ZNF335: variants seen among roughly 807,000 people sequenced by gnomAD.
ZNF335 encodes the protein zinc finger protein 335.
ZNF335 carries 84 observed loss-of-function variants against 145.6 expected under a neutral mutation model. The ratio of observed to expected loss-of-function variants is 0.58; its 90% CI spans 0.48 to 0.69. The LOEUF is 0.69. Among genes scored for constraint, ZNF335 ranks in the 30% least tolerant of loss-of-function variants. The pLI is 0.00. For missense variants in ZNF335, 1,865 were observed against 1,809.7 expected, an observed-to-expected ratio of 1.03 and a Z score of -0.55; for synonymous variants, 761 against 717.0, an observed-to-expected ratio of 1.06 and a Z score of -0.98.
chr20:45,968,165 C>A, intron 4 of ZNF335, 120 bp downstream of exon 4: 1 of 1,505,682 alleles, frequency 6.6e-7, no homozygotes, highest in East Asian at 2.3e-5. Flanking sequence ...AGTAGGAAAA[C>A]TGAGACCCAG....
chr20:45,960,525 A>G lies in ZNF335; in HGVS notation c.1783T>C (p.Cys595Arg). The G allele has an allele frequency of 1.2e-6, 2 of 1,613,980 alleles. No individual in the cohort carries two copies. Among genetic ancestry groups the G allele is most frequent in the Non-Finnish European group, 1.7e-6 (2 of 1,179,956 alleles). Reference protein sequence around the residue: ...STEKPHMCDKCGKSFKKRYTF... With the variant: ...STEKPHMCDKRGKSFKKRYTF... ...TAGCGCTTCTTAAAGGACTTTCCAC[A>G]CTGTGAGGGGTGGAGAGCAGTGAGA... Residue 595 changes from cysteine (C) to arginine (R), a missense_variant and splice_region_variant, in exon 13 of 28, where the codon TGT becomes CGT. Coordinates refer to ENST00000322927, the MANE Select transcript of ZNF335 (RefSeq NM_022095.4).
intron 19 of ZNF335, 29 bp downstream of exon 19, chr20:45,952,569 G>A (rs750699778): frequency 3.7e-6 from 6 of 1,612,484 alleles, no homozygotes; most frequent in Admixed American, 3.3e-5. Context: ...GAGGGAGGTG[G>A]GGGAGTGGTT....
chr20:45,967,725 C>T lies in ZNF335; in HGVS notation c.814+9G>A, dbSNP rs368787311. On this transcript the variant is annotated intron_variant, in intron 5 of 27. Coordinates refer to ENST00000322927, the MANE Select transcript of ZNF335 (RefSeq NM_022095.4). ...TGCAGTCCAAGCAGGTAGGCTGCTA[C>T]TGACGCACCTGGACGGAAGTGGCGT... The T allele has an allele frequency of 5.0e-6, 8 of 1,608,496 alleles. No individual in the cohort carries two copies. The African/African-American group carries it at 8.0e-5, about 16-fold the overall frequency.
intron 2 of ZNF335, 136 bp from the exon 3 acceptor site, chr20:45,969,827 C>G (rs2084027049): frequency 1.7e-6 from 2 of 1,209,364 alleles, no homozygotes; most frequent in African/African-American, 3.0e-5. Flanking sequence ...CCCTCAGCCC[C>G]ACGGAGGACC....
intron 20 of ZNF335, among the ~76,000 whole-genome samples, chr20:45,951,651 G>C (rs34240177): frequency 0.046 from 7,055 of 152,302 alleles, 329 homozygotes; most frequent in African/African-American, 0.12. Flanking sequence ...TGCAGCTGCT[G>C]TGACAGGAAG....
Position 45,971,294 on chromosome 20 carries a change from G to A in ZNF335, c.117C>T (p.Ser39=). 6.3e-6 allele frequency: 10 copies of A among 1,589,184 alleles called. No individual in the cohort carries two copies. The highest frequency in any genetic ancestry group is 7.7e-6 in the Non-Finnish European group (9 of 1,174,384). Residue 39 remains serine, a synonymous_variant, in exon 2 of 28, where the codon AGC becomes AGT. Coordinates refer to ENST00000322927, the MANE Select transcript of ZNF335 (RefSeq NM_022095.4). ...VGTSEAVSAD[S]SDAAAAPGQA... is the part of the protein sequence containing the mutation. Reference sequence around the variant, plus strand: ...GCCCCGGGGCGGCCGCGGCGTCGCTGCTGTCGGCGGACACGGCTTCTGAGG... The same window carrying A: ...GCCCCGGGGCGGCCGCGGCGTCGCTACTGTCGGCGGACACGGCTTCTGAGG...
In ZNF335 at chr20:45,948,675, C is replaced by G. The variant is rs3363; in HGVS notation, c.*278G>C. ...AAGTAAGCTGTTCAGGACTGGACTC[C>G]GGTCCCTTTATTGAGACTGACAGGC... On this transcript the variant is annotated 3_prime_UTR_variant, in exon 28 of 28. Transcript: ENST00000322927. The G allele has an allele frequency of 1.3e-3, 597 of 449,044 alleles. 2 individuals carry two copies. The highest frequency in any genetic ancestry group is 0.011 in the African/African-American group (532 of 50,100). 27.8% of individuals were successfully genotyped at this position (449,044 alleles called of 1,614,324 possible).
chr20:45,968,014 T>C lies in ZNF335; in HGVS notation c.534A>G (p.Thr178=), dbSNP rs1298997124. The change falls in exon 5 of 28, where the codon ACA becomes ACG. Residue 178 remains threonine (T), a synonymous_variant. Transcript: ENST00000322927. ...CCAAGGTGGAACTGGACATTGGTGA[T>C]GTCATGGGGGCTCCTGGGGATGGGT... ...LQGPDDGAPM[T]SPMSSSTLAH... The C allele has an allele frequency of 6.2e-7, 1 of 1,612,374 alleles. No individual in the cohort carries two copies. The highest frequency in any genetic ancestry group is 8.5e-7 in the Non-Finnish European group (1 of 1,180,030).
In ZNF335 at chr20:45,971,777, C is replaced by T. The variant is rs137921371; in HGVS notation, c.-50-317G>A. 7,309 of 985,362 alleles carry T rather than the reference C, an allele frequency of 7.4e-3. 27 individuals are homozygous for T. Among genetic ancestry groups the T allele is most frequent in the Non-Finnish European group, 8.3e-3 (6,851 of 829,830 alleles). The allele number at this position is 985,362 out of a possible 1,614,324, so 61.0% of individuals were successfully genotyped here. On this transcript the variant is annotated intron_variant, in intron 1 of 27. Transcript: ENST00000322927. ...GCCCAGTGGTTCAGCCCTTCGGCCCCCGCGTCCCCCCGGGTTGCAGGGCCG... is the reference window on the plus strand; with the variant it reads ...GCCCAGTGGTTCAGCCCTTCGGCCCTCGCGTCCCCCCGGGTTGCAGGGCCG...
chr20:45,958,585 C>G (rs1452137354), intron 15 of ZNF335, among the ~76,000 whole-genome samples: 1 of 152,200 alleles, frequency 6.6e-6, no homozygotes, highest in African/African-American at 2.4e-5. Flanking sequence ...TGAGGCCATC[C>G]TCCTCTTCCC....
chr20:45,948,714 C>G lies in ZNF335; in HGVS notation c.*239G>C. On this transcript the variant is annotated 3_prime_UTR_variant, in exon 28 of 28. Transcript: ENST00000322927. ...AGACTGACAGGCCAGTGGGTCCACC[C>G]AAACAAAAATAAATTTCTCTCCCAA... is the stretch of plus-strand genomic sequence containing the variant. 5.5e-6 allele frequency: 3 copies of G among 550,110 alleles called. No individual in the cohort carries two copies. The highest frequency in any genetic ancestry group is 9.7e-6 in the Non-Finnish European group (3 of 309,204). 34.1% of individuals were successfully genotyped at this position (550,110 alleles called of 1,614,324 possible).
intron 2 of ZNF335, 200 bp from the exon 3 acceptor site, chr20:45,969,891 C>G (rs1186049555): frequency 1.2e-5 from 7 of 594,742 alleles, no homozygotes; most frequent in African/African-American, 1.8e-5. Context: ...CACAGGGTCC[C>G]TGGATCTCAT....
Position 45,959,812 on chromosome 20 carries a change from C to T in ZNF335, c.2021-379G>A, listed in dbSNP as rs1427153570. Among the ~76,000 whole-genome samples the T allele has an allele frequency of 2.0e-5, 3 of 152,214 alleles. No homozygotes were observed. The East Asian group carries it at 5.8e-4, about 29-fold the overall frequency. Reference sequence around the variant, plus strand: ...CAGCTTCTGTGGGCCAAGCCAATGGCGTTGCTTCTGCAGCTTCATCTGCCA... The same window carrying T: ...CAGCTTCTGTGGGCCAAGCCAATGGTGTTGCTTCTGCAGCTTCATCTGCCA... On this transcript the variant is annotated intron_variant, in intron 14 of 27. Transcript: ENST00000322927.
chr20:45,951,608 C>T (rs1330686393), intron 20 of ZNF335, among the ~76,000 whole-genome samples: 1 of 152,200 alleles, frequency 6.6e-6, no homozygotes, highest in Non-Finnish European at 1.5e-5. Flanking sequence ...CTCGTATGCA[C>T]AGTTCACAAT....
chr20:45,961,002 T>C (rs2083833868), intron 10 of ZNF335, 120 bp from the exon 11 acceptor site: 4 of 1,351,118 alleles, frequency 3.0e-6, no homozygotes, highest in Non-Finnish European at 4.1e-6. Context: ...CCCTTTCTCT[T>C]AGAATAGTGC....
In ZNF335 at chr20:45,972,121, C is replaced by A; in HGVS notation, c.-51+1G>T. 2.3e-6 allele frequency: 3 copies of A among 1,289,556 alleles called. No individual in the cohort carries two copies. Among genetic ancestry groups the A allele is most frequent in the Non-Finnish European group, 2.0e-6 (2 of 988,740 alleles). 79.9% of individuals were successfully genotyped at this position (1,289,556 alleles called of 1,614,324 possible). On this transcript the variant is annotated splice_donor_variant, in intron 1 of 27. Transcript: ENST00000322927. LOFTEE classifies it low-confidence loss of function (5UTR_SPLICE). ...GCCGCCTAACTCTACCCGAAGCTCA[C>A]CCGAGGCTTTCGTAGCCACGTTCCT...
Position 45,953,639 on chromosome 20 carries a change from G to T in ZNF335, c.2702+50C>A. The T allele has an allele frequency of 4.4e-6, 7 of 1,601,970 alleles. No homozygotes were observed. The South Asian group carries it at 7.7e-5, about 18-fold the overall frequency. Reference sequence around the variant, plus strand: ...GGGTGGGGCCCAAATCGGACCGACCGACCACACCTACAAAAAGCTGAAAGG... The same window carrying T: ...GGGTGGGGCCCAAATCGGACCGACCTACCACACCTACAAAAAGCTGAAAGG... On this transcript the variant is annotated intron_variant, in intron 18 of 27. Transcript: ENST00000322927.
rs756224043 is a variant in ZNF335, at chr20:45,948,929, T to C, written c.*24A>G. ...CCCAGGAGAGCTGGCCGCAAATCCA[T>C]GATCTGTGTTGGGCCCTCGGGGCTC... On this transcript the variant is annotated 3_prime_UTR_variant, in exon 28 of 28. Coordinates refer to ENST00000322927, the MANE Select transcript of ZNF335 (RefSeq NM_022095.4). The C allele has an allele frequency of 1.2e-6, 2 of 1,613,654 alleles. No homozygotes were observed. Among genetic ancestry groups the C allele is most frequent in the Non-Finnish European group, 1.7e-6 (2 of 1,179,974 alleles).
In ZNF335 at chr20:45,960,504, G is replaced by A. The variant is rs767801640; in HGVS notation, c.1804C>T (p.Arg602Cys). The A allele has an allele frequency of 2.2e-5, 36 of 1,614,016 alleles. No homozygotes were observed. The highest frequency in any genetic ancestry group is 2.2e-5 in the Non-Finnish European group (26 of 1,180,024). ...CDKCGKSFKK[R>C]YTFKMHLLTH... ...AGCAGGTGCATTTTGAAGGTGTAGCGCTTCTTAAAGGACTTTCCACACTGT... is the reference window on the plus strand; with the variant it reads ...AGCAGGTGCATTTTGAAGGTGTAGCACTTCTTAAAGGACTTTCCACACTGT... The change falls in exon 13 of 28, where the codon CGC (arginine) becomes TGC (cysteine). Residue 602 changes from arginine (R) to cysteine (C), a missense_variant. Transcript: ENST00000322927.
Sources: allele counts gnomAD v4.1 joint callset (sites outside exome capture counted in the v4.1 genomes callset), GRCh38; gene constraint gnomAD v4.1.1; transcripts MANE v1.5; gene names NCBI Gene and HGNC (gene_info 2026-07-23, HGNC 2026-07-21).